The following VASP variants were observed in gnomAD, a reference collection of about 807,000 sequenced individuals.
VASP encodes vasodilator-stimulated phosphoprotein.
In VASP, 27 loss-of-function variants were observed where a neutral mutation model predicts 54.4. The observed-to-expected ratio is 0.50, with a 90% confidence interval of 0.37 to 0.68. VASP has a LOEUF of 0.68. Among genes scored for constraint, VASP ranks in the 30% least tolerant of loss-of-function variants. VASP has a pLI of 0.00. For synonymous variants in VASP, 233 were observed against 209.8 expected, an observed-to-expected ratio of 1.11 and a Z score of -0.96; for missense variants, 488 against 528.3, an observed-to-expected ratio of 0.92 and a Z score of 0.75.
At chr19:45,515,302 GGGA>G (rs1370190540) in intron 1 of VASP, among the ~76,000 whole-genome samples, 1 of 152,112 alleles carries the variant, frequency 6.6e-6, no homozygotes, top group Non-Finnish European at 1.5e-5. Context: ...GGGTGGGGTG[GGGA>G]GGAGACCAGT....
chr19:45,519,922 T>TTTTTA lies in VASP; in HGVS notation c.344-1400_344-1399insTTTTA, dbSNP rs57222956. The stretch of plus-strand genomic sequence containing the variant: ...TTTTTTTTTTTTTTTTTTTTTTTTT[T>TTTTTA]AATATGGAGTCTCACTCTGTCTCTC... On this transcript the variant is annotated intron_variant, in intron 3 of 12. Coordinates refer to ENST00000245932, the MANE Select transcript of VASP (RefSeq NM_003370.4). Among the ~76,000 whole-genome samples the TTTTTA allele has an allele frequency of 3.7e-3, 383 of 102,322 alleles. 31 individuals are homozygous for TTTTTA. Among genetic ancestry groups the TTTTTA allele is most frequent in the South Asian group, 5.7e-3 (16 of 2,814 alleles). The allele number at this position is 102,322 out of a possible 152,430, so 67.1% of individuals were successfully genotyped here.
intron 7 of VASP, among the ~76,000 whole-genome samples, chr19:45,523,190 ATTTTTTT>A (rs61288703): frequency 1.3e-4 from 10 of 74,696 alleles, no homozygotes; most frequent in Admixed American, 5.8e-4. Context: ...AATCTCTTGA[ATTTTTTT>A]TTTTTTTTTT....
At chr19:45,508,524 C>G (rs561068037) in intron 1 of VASP, among the ~76,000 whole-genome samples, 1,738 of 152,262 alleles carry the variant, frequency 0.011, 20 homozygotes, top group Middle Eastern at 0.027. Context: ...CCGGCTCCCC[C>G]ACCTGCGCGG....
At chr19:45,524,898 C>A in intron 11 of VASP, 1 of 422,516 alleles carries the variant, frequency 2.4e-6, no homozygotes. Flanking sequence ...TGAATTCTTT[C>A]CGCACATTGA....
chr19:45,519,695 ATG>A (rs1968785449), intron 3 of VASP, among the ~76,000 whole-genome samples: 1 of 150,482 alleles, frequency 6.6e-6, no homozygotes, highest in South Asian at 2.1e-4. Context: ...TCCCGGGTAA[ATG>A]CCATTCTCCT....
At position 45,524,645 on chromosome 19, in the gene VASP, A is replaced by G. The variant is rs374929298; in HGVS notation, c.1032A>G (p.Leu344=). ...CCAGCTCCAGTGATTACTCGGACCT[A>G]CAGAGGGTGAAACAGGTAACTTGGG... ...CTPSSSDYSD[L]QRVKQELLEE... The change falls in exon 11 of 13, where the codon CTA becomes CTG. Residue 344 remains leucine, a synonymous_variant. Coordinates refer to ENST00000245932, the MANE Select transcript of VASP (RefSeq NM_003370.4). 234 of 1,613,776 alleles carry G rather than the reference A, an allele frequency of 1.5e-4. No individual in the cohort carries two copies. Among genetic ancestry groups the G allele is most frequent in the South Asian group, 3.6e-4 (33 of 91,060 alleles).
intron 4 of VASP, 97 bp downstream of exon 4, chr19:45,521,503 C>A (rs1968833596): frequency 8.7e-7 from 1 of 1,145,924 alleles, no homozygotes; most frequent in Non-Finnish European, 1.2e-6. Flanking sequence ...AGCCAACTTG[C>A]AGTTTTCAGA....
intron 4 of VASP, 134 bp from the exon 5 acceptor site, chr19:45,522,034 G>A (rs78374448): frequency 1.9e-4 from 225 of 1,157,462 alleles, no homozygotes; most frequent in Non-Finnish European, 2.6e-4. Flanking sequence ...GTTCCCTAGG[G>A]GAGGAAGGCT....
intron 10 of VASP, chr19:45,524,345 C>T (rs544631860): frequency 1.7e-5 from 12 of 691,990 alleles, no homozygotes; most frequent in African/African-American, 9.0e-5. Flanking sequence ...GAGGCCTCAG[C>T]GAGCCATCAT....
intron 7 of VASP, 143 bp downstream of exon 7, chr19:45,522,961 G>C: frequency 1.1e-6 from 1 of 899,498 alleles, no homozygotes; most frequent in Non-Finnish European, 1.7e-6. Flanking sequence ...ATAATGGTGG[G>C]GTTTGTCATG....
At chr19:45,523,609 A>G (rs2122341104) in intron 7 of VASP, 35 bp from the exon 8 acceptor site, 1 of 1,612,444 alleles carries the variant, frequency 6.2e-7, no homozygotes, top group East Asian at 2.2e-5. Flanking sequence ...GGGTTGGGTG[A>G]CGGAAGCACG....
chr19:45,524,437 A>T, intron 10 of VASP, 133 bp from the exon 11 acceptor site: 1 of 887,450 alleles, frequency 1.1e-6, no homozygotes. Context: ...AAAAAAAAAA[A>T]CTGGGGCCCC....
chr19:45,518,133 G>A (rs763672299), intron 3 of VASP, 39 bp downstream of exon 3: 10 of 1,596,650 alleles, frequency 6.3e-6, no homozygotes, highest in Middle Eastern at 1.9e-4. Flanking sequence ...CAGTGAATGC[G>A]GCTGTGTGGC....
rs186268136 is a variant in VASP, at chr19:45,522,511, G to A, written c.650G>A (p.Gly217Asp). The stretch of plus-strand genomic sequence containing the variant: ...CCTCTCCCGGCAGCACAGGGCCCTG[G>A]TGGTGGGGGAGCTGGGGCCCCAGGC... Reference protein sequence around the residue: ...APPLPAAQGPGGGGAGAPGLA... With the variant: ...APPLPAAQGPDGGGAGAPGLA... Residue 217 changes from glycine to aspartate, a missense_variant, in exon 6 of 13, where the codon GGT (glycine) becomes GAT (aspartate). Gly to Asp is a moderately conservative substitution (Grantham distance 94). Around this residue, in one of 4 missense-constraint regions of VASP, gnomAD observed 226 missense variants for 196.0 expected, o/e 1.15. Coordinates refer to ENST00000245932, the MANE Select transcript of VASP (RefSeq NM_003370.4). 2.7e-6 allele frequency: 4 copies of A among 1,458,374 alleles called. No individual in the cohort carries two copies. The East Asian group carries it at 7.4e-5, about 27-fold the overall frequency. The allele number at this position is 1,458,374 out of a possible 1,614,324, so 90.3% of individuals were successfully genotyped here. A position where few individuals can be genotyped will look rare whatever the true frequency, so the allele number is the denominator to read the frequency against.
rs1393267132 is a variant in VASP at position 45,526,150 on chromosome 19, G to C, written c.1116G>C (p.Gln372His). Residue 372 changes from glutamine to histidine, a missense_variant, in exon 13 of 13, where the codon CAG becomes CAC. Around this residue, in one of 4 missense-constraint regions of VASP, gnomAD observed 126 missense variants for 134.8 expected, o/e 0.94. Coordinates refer to ENST00000245932, the MANE Select transcript of VASP (RefSeq NM_003370.4). ...VKEEIIEAFV[Q>H]ELRKRGSP ...CTTGTTTCCTTCCAGCCTTCGTCCA[G>C]GAGCTGAGGAAGCGGGGTTCTCCCT... is the stretch of plus-strand genomic sequence containing the variant. 1 of 1,613,708 alleles carries C rather than the reference G, an allele frequency of 6.2e-7. No individual in the cohort carries two copies.
intron 1 of VASP, among the ~76,000 whole-genome samples, chr19:45,508,300 C>A (rs1175372306): frequency 6.6e-6 from 1 of 152,210 alleles, no homozygotes; most frequent in South Asian, 2.1e-4. Flanking sequence ...TTCGGGGGTA[C>A]TTCTTAATCC....
chr19:45,511,177 T>G (rs1336077455), intron 1 of VASP, among the ~76,000 whole-genome samples: 2 of 152,070 alleles, frequency 1.3e-5, no homozygotes, highest in Non-Finnish European at 2.9e-5. Context: ...GTGGTGTATA[T>G]GTATCATAGG....
chr19:45,510,926 C>G, intron 1 of VASP, among the ~76,000 whole-genome samples: 1 of 116,238 alleles, frequency 8.6e-6, no homozygotes. Flanking sequence ...AAGTGAGACC[C>G]TGTCTCAAAA....
At position 45,524,153 on chromosome 19, in the gene VASP, G is replaced by A. The variant is rs187934760; in HGVS notation, c.956+11G>A. 743 of 1,613,000 alleles carry A rather than the reference G, an allele frequency of 4.6e-4. 7 individuals are homozygous for A. Among genetic ancestry groups the A allele is most frequent in the Admixed American group, 4.3e-4 (26 of 59,998 alleles). ...CACAACCTTGCCAAGGTAGGCCATC[G>A]GTCCTGGGGCCCTTGGGGAGGTAAA... On this transcript the variant is annotated intron_variant, in intron 10 of 12. Transcript: ENST00000245932.
Sources: gnomAD v4.1 joint callset for allele counts (sites outside exome capture counted in the v4.1 genomes callset) on GRCh38, gnomAD v4.1.1 for gene constraint, gnomAD v4.1.1 regional missense constraint, MANE v1.5 for transcripts, NCBI Gene and HGNC (gene_info 2026-07-23, HGNC 2026-07-21) for gene names.